IGSF10: variants seen among roughly 807,000 people sequenced by gnomAD.
The protein encoded by IGSF10 is calvaria mechanical force protein 608.
Under a neutral mutation model 128.2 loss-of-function variants are expected in IGSF10, and 126 were observed. The ratio of observed to expected loss-of-function variants is 0.98; its 90% CI spans 0.85 to 1.14. IGSF10 has a LOEUF of 1.14. Ranked by LOEUF, IGSF10 falls within the 50% of genes most tolerant of loss-of-function variation. The probability of loss-of-function intolerance (pLI) is 0.00; values close to 1 mark genes in which losing one functional copy is unlikely to be tolerated. For missense variants in IGSF10, 3,295 were observed against 3,149.8 expected (o/e 1.05, Z -1.10); for synonymous variants, 1,185 against 1,146.2 (o/e 1.03, Z -0.68).
At chr3:151,560,703 C>CA in the IGSF10 span, among the ~76,000 whole-genome samples, 2 of 39,646 alleles carry the variant, frequency 5.0e-5, no homozygotes, top group Non-Finnish European at 1.0e-4. Flanking sequence ...ATTGCCATAG[C>CA]CCCCCCCTCC....
chr3:151,442,547 A>ATTTT (rs3975406), intron 7 of IGSF10, among the ~76,000 whole-genome samples: 2 of 125,532 alleles, frequency 1.6e-5, no homozygotes, highest in African/African-American at 3.2e-5. Flanking sequence ...TGCCCGGCTA[A>ATTTT]TTTTTTTTTT....
At chr3:151,539,292 C>T in the IGSF10 span, among the ~76,000 whole-genome samples, 6 of 152,110 alleles carry the variant, frequency 3.9e-5, no homozygotes, top group Non-Finnish European at 5.9e-5. Flanking sequence ...CAGATGCAGA[C>T]GTGAACTTTC....
chr3:151,482,219 C>T, the IGSF10 span, among the ~76,000 whole-genome samples: 1 of 151,900 alleles, frequency 6.6e-6, no homozygotes, highest in East Asian at 1.9e-4. Flanking sequence ...ATAAATTGCC[C>T]AAAAAGAAAT....
At chr3:151,583,364 T>A in the IGSF10 span, among the ~76,000 whole-genome samples, 3 of 152,234 alleles carry the variant, frequency 2.0e-5, no homozygotes, top group Non-Finnish European at 4.4e-5. Flanking sequence ...AATAGCCAAA[T>A]TATACATTTC....
chr3:151,437,461 G>A lies in IGSF10; in HGVS notation c.7100C>T (p.Pro2367Leu). The change falls in exon 8 of 8, where the codon CCT becomes CTT. Residue 2367 changes from proline (P) to leucine (L), a missense_variant. By Grantham distance (98) the Pro-to-Leu change is moderately conservative (BLOSUM62 -3). Transcript: ENST00000282466. ...LNCSVDGNPPPEIIWILPNGT... is the reference protein window; with the variant it reads ...LNCSVDGNPPLEIIWILPNGT... ...ATTTGGTAAAATCCAGATTATTTCA[G>A]GTGGTGGGTTACCATCAACAGAGCA... 6.2e-7 allele frequency: 1 copy of A among 1,614,184 alleles called. No homozygotes were observed. Among genetic ancestry groups the A allele is most frequent in the Non-Finnish European group, 8.5e-7 (1 of 1,180,038 alleles).
the IGSF10 span, among the ~76,000 whole-genome samples, chr3:151,479,232 A>T: frequency 3.3e-5 from 5 of 152,236 alleles, no homozygotes; most frequent in Admixed American, 3.3e-4. Context: ...GGATGCTGGT[A>T]ATTAACAAGC....
At chr3:151,498,774 T>A in the IGSF10 span, among the ~76,000 whole-genome samples, 7 of 152,222 alleles carry the variant, frequency 4.6e-5, no homozygotes, top group East Asian at 1.4e-3. Context: ...AGAGGTAGAA[T>A]TTTTCCCCCA....
chr3:151,569,796 C>T, the IGSF10 span, among the ~76,000 whole-genome samples: 5 of 152,100 alleles, frequency 3.3e-5, no homozygotes, highest in Admixed American at 6.6e-5. Context: ...AGGTTTGTTA[C>T]GTATGTATAC....
chr3:151,487,174 A>G, the IGSF10 span, among the ~76,000 whole-genome samples: 130,963 of 152,078 alleles, frequency 0.86, 56,645 homozygotes, highest in Middle Eastern at 0.95. Context: ...ACAGAAATAC[A>G]AACTACCAAA....
chr3:151,464,408 T>G (rs893043520), upstream of IGSF10, among the ~76,000 whole-genome samples: 9 of 152,220 alleles, frequency 5.9e-5, no homozygotes, highest in Admixed American at 2.0e-4. Context: ...CTCTAGGTCT[T>G]TGACATTATT....
the IGSF10 span, among the ~76,000 whole-genome samples, chr3:151,525,853 T>C: frequency 6.6e-6 from 1 of 152,188 alleles, no homozygotes; most frequent in East Asian, 1.9e-4. Context: ...TGAGACTTCA[T>C]TACATCTGCA....
chr3:151,591,494 T>G, the IGSF10 span, among the ~76,000 whole-genome samples: 1 of 148,610 alleles, frequency 6.7e-6, no homozygotes, highest in African/African-American at 2.4e-5. Context: ...TTAACTATCT[T>G]TAACTAGTAC....
the IGSF10 span, among the ~76,000 whole-genome samples, chr3:151,488,079 C>A: frequency 0.012 from 1,802 of 152,068 alleles, 94 homozygotes; most frequent in East Asian, 0.17. Context: ...TTTAGAAAAC[C>A]CCATCATCAC....
the IGSF10 span, among the ~76,000 whole-genome samples, chr3:151,467,672 C>T: frequency 6.6e-6 from 1 of 152,000 alleles, no homozygotes; most frequent in Non-Finnish European, 1.5e-5. Flanking sequence ...ATCACGAGGT[C>T]AGGAGATCGA....
chr3:151,534,561 AC>A, the IGSF10 span, among the ~76,000 whole-genome samples: 524 of 149,242 alleles, frequency 3.5e-3, 2 homozygotes, highest in African/African-American at 0.012. Context: ...AGAACAAAAA[AC>A]CAAACAAGTT....
chr3:151,441,904 A>G (rs1720876518), intron 7 of IGSF10, among the ~76,000 whole-genome samples: 1 of 152,154 alleles, frequency 6.6e-6, no homozygotes, highest in South Asian at 2.1e-4. Context: ...TACTAAAAAT[A>G]CAAAAAATTA....
the IGSF10 span, among the ~76,000 whole-genome samples, chr3:151,490,074 A>G: frequency 6.6e-6 from 1 of 152,184 alleles, no homozygotes; most frequent in African/African-American, 2.4e-5. Flanking sequence ...TTTAAACATT[A>G]AATTCTCCAC....
chr3:151,497,774 G>T, the IGSF10 span, among the ~76,000 whole-genome samples: 1 of 152,090 alleles, frequency 6.6e-6, no homozygotes, highest in African/African-American at 2.4e-5. Context: ...GGGCAGTATG[G>T]CCATTTTCAC....
At chr3:151,564,319 T>C in the IGSF10 span, among the ~76,000 whole-genome samples, 1 of 151,484 alleles carries the variant, frequency 6.6e-6, no homozygotes, top group Non-Finnish European at 1.5e-5. Flanking sequence ...TATATTTGAC[T>C]TTTTTTTTAA....
Sources: allele counts gnomAD v4.1 joint callset (sites outside exome capture counted in the v4.1 genomes callset), GRCh38; gene constraint gnomAD v4.1.1; transcripts MANE v1.5; gene names NCBI Gene and HGNC (gene_info 2026-07-23, HGNC 2026-07-21).